Variants in HMCN1 observed in about 807,000 individuals in gnomAD.
The protein encoded by HMCN1 is hemicentin 1, also known as hemicentin-1.
A neutral mutation model predicts 625.9 loss-of-function variants in HMCN1; 321 were observed. The observed-to-expected ratio is 0.51, with a 90% CI of 0.47 to 0.56. The LOEUF (loss-of-function observed/expected upper bound fraction) is 0.56. Ranked by LOEUF, HMCN1 falls within the 20% of genes least tolerant of loss-of-function variation. The pLI, the probability that HMCN1 is intolerant of heterozygous loss-of-function variation, is 0.00. For missense variants in HMCN1, 6,588 were observed against 6,887.3 expected (o/e 0.96, Z 1.54); for synonymous variants, 2,425 against 2,417.6 (o/e 1.00, Z -0.09).
intron 77 of HMCN1, among the ~76,000 whole-genome samples, chr1:186,118,822 G>A (rs1178767492): frequency 6.6e-6 from 1 of 152,208 alleles, no homozygotes; most frequent in South Asian, 2.1e-4. Flanking sequence ...GAATCAGAAA[G>A]CAGATTAGTG....
Position 186,130,595 on chromosome 1 carries a change from C to A in HMCN1, c.13128C>A (p.Asp4376Glu). 6.2e-7 allele frequency: 1 copy of A among 1,613,446 alleles called. No homozygotes were observed. The highest frequency in any genetic ancestry group is 8.5e-7 in the Non-Finnish European group (1 of 1,179,556). The change falls in exon 85 of 107, where the codon GAC becomes GAA. Residue 4376 changes from aspartate (D) to glutamate (E), a missense_variant. By Grantham distance (45) the Asp-to-Glu change is conservative. Coordinates refer to ENST00000271588, the MANE Select transcript of HMCN1 (RefSeq NM_031935.3). ...TCCTGAATTGTGAGGTGAAAGGAGA[C>A]CCCACCCCAACCATCCAGTGGAACA... The part of the protein sequence containing the change: ...NAILNCEVKG[D>E]PTPTIQWNRK...
chr1:185,878,009 G>T (rs1032680225), intron 4 of HMCN1, among the ~76,000 whole-genome samples: 1 of 151,958 alleles, frequency 6.6e-6, no homozygotes, highest in Non-Finnish European at 1.5e-5. Context: ...CTGTTGAATG[G>T]CTGTTGTAAA....
Position 185,922,629 on chromosome 1 carries a change from T to C in HMCN1, c.1021+130T>C, listed in dbSNP as rs1667058242. The C allele has an allele frequency of 3.8e-5, 32 of 835,102 alleles. 1 individual carries two copies. The South Asian group carries it at 4.8e-4, about 13-fold the overall frequency. 51.7% of individuals were successfully genotyped at this position (835,102 alleles called of 1,614,324 possible). On this transcript the variant is annotated intron_variant, in intron 7 of 106. Transcript: ENST00000271588. ...AGAAGCATAGCTTTAAATGTGACTG[T>C]TCTCTTGGCCTAATCACTTTCTCAA...
rs925129524 is a variant in HMCN1 at position 185,923,377 on chromosome 1, C to A, written c.1022-13C>A. The A allele has an allele frequency of 6.3e-7, 1 of 1,596,210 alleles. No homozygotes were observed. The highest frequency in any genetic ancestry group is 1.7e-5 in the Admixed American group (1 of 59,898). ...TGTTTCTTGTAAATGATAACAAAAT[C>A]TTTCTCTTGTAGGAATACCTACCTA... On this transcript the variant is annotated splice_polypyrimidine_tract_variant and intron_variant, in intron 7 of 106. Transcript: ENST00000271588.
chr1:185,764,136 T>C (rs1030436268), intron 1 of HMCN1, among the ~76,000 whole-genome samples: 7 of 152,184 alleles, frequency 4.6e-5, no homozygotes, highest in African/African-American at 1.7e-4. Context: ...CATGGGATTC[T>C]ATAAAATAAA....
intron 69 of HMCN1, among the ~76,000 whole-genome samples, chr1:186,104,039 A>G (rs1409798765): frequency 6.6e-6 from 1 of 152,174 alleles, no homozygotes; most frequent in African/African-American, 2.4e-5. Context: ...GATCTCCAAA[A>G]TGAACTAGCC....
intron 4 of HMCN1, among the ~76,000 whole-genome samples, chr1:185,896,892 T>C (rs1053452439): frequency 1.3e-5 from 2 of 152,250 alleles, no homozygotes; most frequent in Non-Finnish European, 2.9e-5. Flanking sequence ...TAATCAGTTA[T>C]AACATTTTGG....
chr1:185,806,632 G>T (rs1659190443), intron 1 of HMCN1, among the ~76,000 whole-genome samples: 1 of 148,602 alleles, frequency 6.7e-6, no homozygotes, highest in Admixed American at 6.7e-5. Flanking sequence ...TCTTTGATTT[G>T]ATCCATTTTC....
rs112086424 is a variant in HMCN1 at position 185,750,074 on chromosome 1, C to A, written c.268+15027C>A. On this transcript the variant is annotated intron_variant, in intron 1 of 106. Transcript: ENST00000271588. ...CTTTATTTTTCTTTATAGAATTTAG[C>A]ACTGGTTGTCTTTAGAGATGATGTG... Among the ~76,000 whole-genome samples, 939 of 152,260 alleles carry A rather than the reference C, an allele frequency of 6.2e-3. 5 individuals are homozygous for A. The highest frequency in any genetic ancestry group is 9.1e-3 in the Non-Finnish European group (616 of 68,020).
intron 40 of HMCN1, 39 bp downstream of exon 40, chr1:186,041,175 T>G: frequency 1.3e-6 from 2 of 1,570,630 alleles, no homozygotes; most frequent in Non-Finnish European, 1.8e-6. Context: ...CTGGTAGAGA[T>G]ATGTTTGGGT....
At chr1:185,960,124 C>CTTTTTTTTT (rs1167408279) in intron 11 of HMCN1, among the ~76,000 whole-genome samples, 1 of 108,922 alleles carries the variant, frequency 9.2e-6, no homozygotes, top group African/African-American at 3.7e-5. Flanking sequence ...CAGGAATATT[C>CTTTTTTTTT]TTTTTTTTTT....
chr1:186,079,542 C>T lies in HMCN1; in HGVS notation c.8599+1322C>T, dbSNP rs114560616. The stretch of plus-strand genomic sequence containing the variant: ...TATAACAAGTAGAGTTGTGTGCCTG[C>T]GCATCAATCCCACTGAGTCATGCAG... On this transcript the variant is annotated intron_variant, in intron 55 of 106. Coordinates refer to ENST00000271588, the MANE Select transcript of HMCN1 (RefSeq NM_031935.3). Among the ~76,000 whole-genome samples, 1,067 of 152,274 alleles carry T rather than the reference C, an allele frequency of 7.0e-3. 10 individuals are homozygous for T. Among genetic ancestry groups the T allele is most frequent in the African/African-American group, 0.025 (1,019 of 41,566 alleles).
At chr1:186,057,464 A>T in intron 46 of HMCN1, 63 bp downstream of exon 46, 1 of 1,138,902 alleles carries the variant, frequency 8.8e-7, no homozygotes, top group Non-Finnish European at 1.3e-6. Flanking sequence ...TTTCTCCTTA[A>T]TTTCAAATTG....
Position 185,928,546 on chromosome 1 carries a change from A to T in HMCN1, c.1431A>T (p.Lys477Asn), listed in dbSNP as rs745843483. Residue 477 changes from lysine to asparagine, a missense_variant and splice_region_variant, in exon 10 of 107, where the codon AAA (lysine) becomes AAT (asparagine). Lys to Asn is a moderately conservative substitution (Grantham distance 94). Transcript: ENST00000271588. The part of the protein sequence containing the change: ...GVTLGVDQYL[K>N]ESASVNLDIA... Reference sequence around the variant, plus strand: ...AAGTTTTCCATTTTCTTACCTCCAGAGAATCTGCCAGTGTGAACTTAGATA... The same window carrying T: ...AAGTTTTCCATTTTCTTACCTCCAGTGAATCTGCCAGTGTGAACTTAGATA... 8 of 1,612,738 alleles carry T rather than the reference A, an allele frequency of 5.0e-6. No individual in the cohort carries two copies. Among genetic ancestry groups the T allele is most frequent in the Non-Finnish European group, 6.8e-6 (8 of 1,178,948 alleles).
At chr1:186,056,473 T>A (rs911015081) in intron 45 of HMCN1, among the ~76,000 whole-genome samples, 1 of 152,008 alleles carries the variant, frequency 6.6e-6, no homozygotes, top group African/African-American at 2.4e-5. Context: ...TGATTCATAT[T>A]CACAGTAGCA....
At chr1:186,144,809 GT>G in intron 91 of HMCN1, 106 bp downstream of exon 91, 4 of 1,315,294 alleles carry the variant, frequency 3.0e-6, no homozygotes, top group Non-Finnish European at 3.2e-6. Flanking sequence ...TCAACCTTTG[GT>G]TTAGGATGTC....
chr1:186,063,736 A>G lies in HMCN1; in HGVS notation c.7513+1136A>G, dbSNP rs1224436066. Among the ~76,000 whole-genome samples the G allele has an allele frequency of 3.9e-5, 6 of 152,132 alleles. No individual in the cohort carries two copies. In the East Asian group the frequency reaches 1.2e-3, roughly 29 times the overall value. ...ATTTTGTAGTGGGGATTTTCCAAGA[A>G]CAATATTGTTACCTTTTGTTAGCAT... On this transcript the variant is annotated intron_variant, in intron 48 of 106. Coordinates refer to ENST00000271588, the MANE Select transcript of HMCN1 (RefSeq NM_031935.3).
At chr1:185,877,421 T>G (rs1664024483) in intron 4 of HMCN1, among the ~76,000 whole-genome samples, 1 of 151,024 alleles carries the variant, frequency 6.6e-6, no homozygotes, top group Non-Finnish European at 1.5e-5. Flanking sequence ...TTTGTTCTTT[T>G]TGTTTAGGAT....
intron 11 of HMCN1, among the ~76,000 whole-genome samples, chr1:185,954,654 T>G (rs757589843): frequency 8.5e-5 from 13 of 152,120 alleles, no homozygotes; most frequent in Non-Finnish European, 1.5e-4. Context: ...TACTGACAGC[T>G]ATGGAGATAA....
Sources: gnomAD v4.1 joint callset for allele counts (sites outside exome capture counted in the v4.1 genomes callset) on GRCh38, gnomAD v4.1.1 for gene constraint, MANE v1.5 for transcripts, NCBI Gene and HGNC (gene_info 2026-07-23, HGNC 2026-07-21) for gene names.